INSR: variants seen among roughly 807,000 people sequenced by gnomAD.
The protein encoded by INSR is insulin receptor.
Under a neutral mutation model 142.6 loss-of-function variants are expected in INSR, and 67 were observed. The observed-to-expected ratio is 0.47, with a 90% CI of 0.39 to 0.58. The LOEUF is 0.58. Ranked by LOEUF, INSR falls within the 20% of genes least tolerant of loss-of-function variation. The pLI is 0.00. For synonymous variants in INSR, 756 were observed against 743.1 expected, an observed-to-expected ratio of 1.02 and a Z score of -0.28; for missense variants, 1,248 against 1,833.2, an observed-to-expected ratio of 0.68 and a Z score of 5.83.
chr19:7,158,290 G>C (rs1973655438), intron 9 of INSR, among the ~76,000 whole-genome samples: 1 of 151,958 alleles, frequency 6.6e-6, no homozygotes, highest in Non-Finnish European at 1.5e-5. Context: ...CACGAGGTCA[G>C]GAGATCGAGA....
chr19:7,282,083 G>A (rs754265261), intron 1 of INSR, among the ~76,000 whole-genome samples: 7 of 152,178 alleles, frequency 4.6e-5, no homozygotes, highest in African/African-American at 7.2e-5. Context: ...CCCGCGAGCC[G>A]GCGGGGCACG....
rs776178021 is a variant in INSR, at chr19:7,293,906, G to C, written c.-15C>G. On this transcript the variant is annotated 5_prime_UTR_variant, in exon 1 of 22. Coordinates refer to ENST00000302850, the MANE Select transcript of INSR (RefSeq NM_000208.4). ...CCGGTGGCCATGGCTGCGGGAGCGC[G>C]GGGTCTCCTCGGATCAGAGCGCGCG... 7 of 1,210,054 alleles carry C rather than the reference G, an allele frequency of 5.8e-6. No individual in the cohort carries two copies. The highest frequency in any genetic ancestry group is 7.2e-6 in the Non-Finnish European group (7 of 978,984). 75.0% of individuals were successfully genotyped at this position (1,210,054 alleles called of 1,614,324 possible).
At chr19:7,182,965 T>C (rs1357199017) in intron 3 of INSR, among the ~76,000 whole-genome samples, 1 of 150,026 alleles carries the variant, frequency 6.7e-6, no homozygotes, top group East Asian at 1.9e-4. Context: ...AGGTGATTTA[T>C]AGACCCTTTT....
rs1278311038 is a variant in INSR at position 7,112,308 on chromosome 19, T to G, written c.*4748A>C. On this transcript the variant is annotated 3_prime_UTR_variant, in exon 22 of 22. Transcript: ENST00000302850. ...AATATAAACAGGTCATTATCCCATA[T>G]TTTACATGCAGAACGATTTCAATAT... The G allele has an allele frequency of 6.6e-6, 1 of 152,218 alleles. No homozygotes were observed. Among genetic ancestry groups the G allele is most frequent in the African/African-American group, 2.4e-5 (1 of 41,450 alleles). 9.4% of individuals were successfully genotyped at this position (152,218 alleles called of 1,614,324 possible). A position where few individuals can be genotyped will look rare whatever the true frequency, so the allele number is the denominator to read the frequency against.
At chr19:7,253,047 G>A (rs1267013687) in intron 2 of INSR, among the ~76,000 whole-genome samples, 18 of 151,332 alleles carry the variant, frequency 1.2e-4, no homozygotes, top group African/African-American at 3.9e-4. Context: ...CCCGGGAGGC[G>A]GAGGTTGCAG....
intron 1 of INSR, 21 bp downstream of exon 1, chr19:7,293,771 C>T (rs751005565): frequency 1.5e-6 from 2 of 1,332,148 alleles, no homozygotes; most frequent in South Asian, 1.9e-5. Flanking sequence ...TCCCCGCCCA[C>T]GCCCGCGCCC....
In INSR at chr19:7,267,246, C is replaced by T; in HGVS notation, c.652+99G>A. On this transcript the variant is annotated intron_variant, in intron 2 of 21. Coordinates refer to ENST00000302850, the MANE Select transcript of INSR (RefSeq NM_000208.4). This position sits in a 1 kb window ranked among gnomAD's most constrained non-coding sequence, Gnocchi z 6.3. ...GCCACCACCCACTATTCCCCGGCCCCTACCTAATGACCATTTAACATTTTT... is the reference window on the plus strand; with the variant it reads ...GCCACCACCCACTATTCCCCGGCCCTTACCTAATGACCATTTAACATTTTT... The T allele has an allele frequency of 7.6e-7, 1 of 1,309,410 alleles. No individual in the cohort carries two copies. The highest frequency in any genetic ancestry group is 1.1e-6 in the Non-Finnish European group (1 of 914,774). The allele number at this position is 1,309,410 out of a possible 1,614,324, so 81.1% of individuals were successfully genotyped here.
chr19:7,133,815 T>C (rs1448751002), intron 13 of INSR, among the ~76,000 whole-genome samples: 1 of 151,964 alleles, frequency 6.6e-6, no homozygotes, highest in Non-Finnish European at 1.5e-5. Flanking sequence ...TGAGCCAAGA[T>C]TGTGCCACTG....
intron 1 of INSR, among the ~76,000 whole-genome samples, chr19:7,285,112 C>T (rs566047652): frequency 3.3e-4 from 50 of 151,874 alleles, no homozygotes; most frequent in Admixed American, 7.9e-4. Flanking sequence ...GCCAGGAGTT[C>T]GAGACCAGCC....
chr19:7,153,384 G>A (rs1249226070), intron 9 of INSR, among the ~76,000 whole-genome samples: 10 of 1,704 alleles, frequency 5.9e-3, no homozygotes, highest in Non-Finnish European at 8.8e-3. Flanking sequence ...CACCATACAC[G>A]CACCACACAC....
intron 2 of INSR, among the ~76,000 whole-genome samples, chr19:7,255,149 G>C (rs915799760): frequency 6.6e-6 from 1 of 152,136 alleles, no homozygotes; most frequent in Non-Finnish European, 1.5e-5. Flanking sequence ...CGGTCAACTG[G>C]TCTACCATCT....
chr19:7,146,652 C>T (rs1276085833), intron 11 of INSR, among the ~76,000 whole-genome samples: 1 of 152,150 alleles, frequency 6.6e-6, no homozygotes, highest in African/African-American at 2.4e-5. Context: ...GAAATAGTTG[C>T]TCTCTCACAA....
At chr19:7,252,627 C>T (rs1033521141) in intron 2 of INSR, among the ~76,000 whole-genome samples, 1 of 152,154 alleles carries the variant, frequency 6.6e-6, no homozygotes, top group Non-Finnish European at 1.5e-5. Context: ...TAGCTGCCAG[C>T]GCTTTAAAGC....
chr19:7,237,619 T>C (rs1421091267), intron 2 of INSR, among the ~76,000 whole-genome samples: 1 of 151,652 alleles, frequency 6.6e-6, no homozygotes, highest in Non-Finnish European at 1.5e-5. Flanking sequence ...ATCGAGACCA[T>C]CCTGGCTAGC....
At position 7,116,920 on chromosome 19, in the gene INSR, C is replaced by T. The variant is rs887582089; in HGVS notation, c.*136G>A. 1.3e-6 allele frequency: 1 copy of T among 772,908 alleles called. No homozygotes were observed. The highest frequency in any genetic ancestry group is 1.7e-5 in the African/African-American group (1 of 58,224). The allele number at this position is 772,908 out of a possible 1,614,324, so 47.9% of individuals were successfully genotyped here. ...CCAAACGAGTCCACCTTAAGATGAA[C>T]AGAAATGTATAGGAACGATCTCTGA... On this transcript the variant is annotated 3_prime_UTR_variant, in exon 22 of 22. Coordinates refer to ENST00000302850, the MANE Select transcript of INSR (RefSeq NM_000208.4).
intron 2 of INSR, among the ~76,000 whole-genome samples, chr19:7,220,166 CATGCAAAATCTG>C (rs1296543199): frequency 6.6e-6 from 1 of 152,194 alleles, no homozygotes; most frequent in Non-Finnish European, 1.5e-5. Context: ...GATTCTAACC[CATGCAAAATCTG>C]GTTCTATCTC....
chr19:7,235,844 A>G (rs1976141425), intron 2 of INSR, among the ~76,000 whole-genome samples: 1 of 152,010 alleles, frequency 6.6e-6, no homozygotes, highest in African/African-American at 2.4e-5. Context: ...AATAATAACA[A>G]TAATAATAAT....
chr19:7,220,311 G>C (rs1163857565), intron 2 of INSR, among the ~76,000 whole-genome samples: 3 of 152,128 alleles, frequency 2.0e-5, no homozygotes, highest in Non-Finnish European at 2.9e-5. Flanking sequence ...TTATTTTTGA[G>C]ATGGAGTCTC....
At chr19:7,151,507 C>CA (rs1973360106) in intron 10 of INSR, among the ~76,000 whole-genome samples, 1 of 151,116 alleles carries the variant, frequency 6.6e-6, no homozygotes, top group South Asian at 2.1e-4. Flanking sequence ...GGCTGGTCTC[C>CA]ACCTTTGGCC....
Sources: gnomAD v4.1 joint callset for allele counts (sites outside exome capture counted in the v4.1 genomes callset) on GRCh38, gnomAD v4.1.1 for gene constraint, Gnocchi (gnomAD v3.1) non-coding constraint, MANE v1.5 for transcripts, NCBI Gene and HGNC (gene_info 2026-07-23, HGNC 2026-07-21) for gene names.